Variants in CSMD3 observed in about 807,000 individuals in gnomAD.
CSMD3 encodes CUB and sushi domain-containing protein 3.
Under a neutral mutation model 435.2 loss-of-function variants are expected in CSMD3, and 177 were observed. The ratio of observed to expected loss-of-function variants is 0.41; its 90% CI spans 0.36 to 0.46. The LOEUF is 0.46. Ranked by LOEUF, CSMD3 falls within the 20% of genes least tolerant of loss-of-function variation. The pLI, the probability that CSMD3 is intolerant of heterozygous loss-of-function variation, is 0.34. For missense variants in CSMD3, 4,265 were observed against 4,504.6 expected, an observed-to-expected ratio of 0.95 and a Z score of 1.52; for synonymous variants, 1,656 against 1,520.5, an observed-to-expected ratio of 1.09 and a Z score of -2.07.
At chr8:113,362,882 T>G (rs1325629820) in intron 1 of CSMD3, among the ~76,000 whole-genome samples, 1 of 152,210 alleles carries the variant, frequency 6.6e-6, no homozygotes, top group South Asian at 2.1e-4. Flanking sequence ...AAAGGCAGTA[T>G]TTGCCTCTGG....
chr8:112,893,079 AACT>A (rs536354178), intron 10 of CSMD3, among the ~76,000 whole-genome samples: 61 of 150,856 alleles, frequency 4.0e-4, no homozygotes, highest in Non-Finnish European at 7.5e-4. Flanking sequence ...TAACAACAAC[AACT>A]ACTACTACTA....
At chr8:112,705,066 A>G (rs2076469705) in intron 13 of CSMD3, among the ~76,000 whole-genome samples, 1 of 152,122 alleles carries the variant, frequency 6.6e-6, no homozygotes. Context: ...TACAGAGCAT[A>G]TACTGTGTAC....
intron 4 of CSMD3, among the ~76,000 whole-genome samples, chr8:113,146,088 T>C (rs895153541): frequency 6.6e-6 from 1 of 151,596 alleles, no homozygotes; most frequent in African/African-American, 2.4e-5. Context: ...AAATATATAA[T>C]GTAAATATAT....
chr8:112,311,475 T>C (rs1821972812), intron 49 of CSMD3, among the ~76,000 whole-genome samples: 1 of 152,180 alleles, frequency 6.6e-6, no homozygotes, highest in Admixed American at 6.5e-5. Context: ...TCTAACTGAA[T>C]TTTGGAAACC....
At chr8:112,806,468 G>A (rs887879442) in intron 12 of CSMD3, among the ~76,000 whole-genome samples, 7 of 152,144 alleles carry the variant, frequency 4.6e-5, no homozygotes, top group African/African-American at 1.2e-4. Context: ...TTATATGCGC[G>A]TCCCACATGC....
At chr8:112,568,767 A>G (rs182260724) in intron 24 of CSMD3, among the ~76,000 whole-genome samples, 1 of 152,110 alleles carries the variant, frequency 6.6e-6, no homozygotes, top group Non-Finnish European at 1.5e-5. Flanking sequence ...TTCCTTTATA[A>G]ACACCCAAGA....
chr8:113,352,943 C>G (rs998948095), intron 1 of CSMD3, among the ~76,000 whole-genome samples: 2 of 152,154 alleles, frequency 1.3e-5, no homozygotes, highest in Non-Finnish European at 2.9e-5. Context: ...TACACAATTT[C>G]AGTTTGTGTT....
intron 22 of CSMD3, among the ~76,000 whole-genome samples, chr8:112,628,596 T>G (rs1156540708): frequency 2.0e-5 from 3 of 152,198 alleles, no homozygotes; most frequent in African/African-American, 7.2e-5. Context: ...AAATGAAAGT[T>G]AGTAAGTTGA....
intron 1 of CSMD3, among the ~76,000 whole-genome samples, chr8:113,368,819 C>T (rs974919531): frequency 6.6e-6 from 1 of 151,978 alleles, no homozygotes; most frequent in Non-Finnish European, 1.5e-5. Flanking sequence ...ATATCTAGTC[C>T]TACTTTTATT....
intron 3 of CSMD3, among the ~76,000 whole-genome samples, chr8:113,269,724 A>T (rs911105342): frequency 6.6e-6 from 1 of 152,176 alleles, no homozygotes; most frequent in East Asian, 1.9e-4. Context: ...AGGATTCCCT[A>T]TTTAACAAAT....
At chr8:113,234,397 A>G (rs182871115) in intron 3 of CSMD3, among the ~76,000 whole-genome samples, 1 of 152,274 alleles carries the variant, frequency 6.6e-6, no homozygotes, top group East Asian at 1.9e-4. Context: ...CATGCCCTTT[A>G]GAAGCCCAGA....
intron 38 of CSMD3, among the ~76,000 whole-genome samples, chr8:112,367,626 A>G (rs779164542): frequency 3.0e-4 from 46 of 152,160 alleles, no homozygotes; most frequent in Non-Finnish European, 5.1e-4. Context: ...CATCTACACA[A>G]CCACAACTAC....
intron 3 of CSMD3, among the ~76,000 whole-genome samples, chr8:113,193,538 C>A (rs539210820): frequency 1.0e-3 from 159 of 151,490 alleles, no homozygotes; most frequent in Middle Eastern, 6.8e-3. Context: ...TACCAGCTTC[C>A]AAAGTACTGT....
At chr8:113,351,123 T>C (rs937828198) in intron 1 of CSMD3, among the ~76,000 whole-genome samples, 11 of 152,104 alleles carry the variant, frequency 7.2e-5, no homozygotes, top group South Asian at 4.1e-4. Context: ...GCAATAGCTT[T>C]TAGTTCTTTA....
intron 22 of CSMD3, among the ~76,000 whole-genome samples, chr8:112,621,320 C>A (rs895089187): frequency 1.3e-5 from 2 of 152,076 alleles, no homozygotes; most frequent in Admixed American, 6.6e-5. Flanking sequence ...AGTACGTATA[C>A]AGACATCCTC....
At chr8:113,070,895 A>G (rs547486514) in intron 5 of CSMD3, among the ~76,000 whole-genome samples, 1 of 152,164 alleles carries the variant, frequency 6.6e-6, no homozygotes, top group East Asian at 1.9e-4. Context: ...AGGAACCTCC[A>G]TACTATTTAC....
At chr8:113,243,748 AT>A (rs1482283774) in intron 3 of CSMD3, among the ~76,000 whole-genome samples, 1 of 152,078 alleles carries the variant, frequency 6.6e-6, no homozygotes, top group Non-Finnish European at 1.5e-5. Context: ...AAGGATTCCA[AT>A]TTCTCCAATC....
intron 10 of CSMD3, among the ~76,000 whole-genome samples, chr8:112,887,876 T>C (rs1315960680): frequency 6.6e-6 from 1 of 151,718 alleles, no homozygotes; most frequent in East Asian, 1.9e-4. Context: ...AGTATTCTAC[T>C]TGGTAATTAA....
At chr8:112,335,172 C>T (rs1435994638) in intron 45 of CSMD3, among the ~76,000 whole-genome samples, 157 bp downstream of exon 45, 1 of 152,080 alleles carries the variant, frequency 6.6e-6, no homozygotes, top group Non-Finnish European at 1.5e-5. Flanking sequence ...TCATCTTTTG[C>T]AAGGAAATGT....
Sources: gnomAD v4.1 joint callset for allele counts (sites outside exome capture counted in the v4.1 genomes callset) on GRCh38, gnomAD v4.1.1 for gene constraint, MANE v1.5 for transcripts, NCBI Gene and HGNC (gene_info 2026-07-23, HGNC 2026-07-21) for gene names.